CAMTA1: variants seen among roughly 807,000 people sequenced by gnomAD.
CAMTA1 encodes the protein calmodulin-binding transcription activator 1.
Under a neutral mutation model 170.9 loss-of-function variants are expected in CAMTA1, and 27 were observed. The ratio of observed to expected loss-of-function variants is 0.16; its 90% CI spans 0.12 to 0.22. CAMTA1 has a LOEUF of 0.22. CAMTA1 is among the 10% of genes least tolerant of loss of function. The pLI is 1.00. For synonymous variants in CAMTA1, 833 were observed against 891.5 expected (o/e 0.93, Z 1.17); for missense variants, 1,619 against 2,217.2 (o/e 0.73, Z 5.42).
At chr1:7,470,650 A>G (rs1419720080) in intron 6 of CAMTA1, among the ~76,000 whole-genome samples, 1 of 152,148 alleles carries the variant, frequency 6.6e-6, no homozygotes, top group Non-Finnish European at 1.5e-5. Flanking sequence ...TGAGCCTTCT[A>G]GAAAGGTAAG....
intron 5 of CAMTA1, among the ~76,000 whole-genome samples, chr1:7,323,879 C>T (rs963478728): frequency 2.0e-5 from 3 of 152,254 alleles, no homozygotes; most frequent in Non-Finnish European, 2.9e-5. Context: ...GCCCTGTGGT[C>T]GTGCTTTGTG....
chr1:6,990,807 A>C (rs10159144), intron 3 of CAMTA1, among the ~76,000 whole-genome samples: 20,881 of 108,132 alleles, frequency 0.19, 1,718 homozygotes, highest in East Asian at 0.34. Flanking sequence ...CTCTCTCTCT[A>C]TATATATATA....
Position 7,650,795 on chromosome 1 carries a change from A to G in CAMTA1, c.664+10242A>G, listed in dbSNP as rs554188143. Among the ~76,000 whole-genome samples the G allele has an allele frequency of 5.3e-5, 8 of 152,330 alleles. No individual in the cohort carries two copies. In the East Asian group the frequency reaches 1.5e-3, roughly 29 times the overall value. On this transcript the variant is annotated intron_variant, in intron 7 of 22. Coordinates refer to ENST00000303635, the MANE Select transcript of CAMTA1 (RefSeq NM_015215.4). ...TTGAGTGGTGAGATCGGGAAATTGA[A>G]TAGTATGTGGGTGTCTGGATATGAG... is the stretch of plus-strand genomic sequence containing the variant.
At chr1:7,084,036 A>C (rs757242265) in intron 3 of CAMTA1, among the ~76,000 whole-genome samples, 11 of 151,984 alleles carry the variant, frequency 7.2e-5, no homozygotes, top group Non-Finnish European at 1.6e-4. Context: ...GAACTCTCAT[A>C]AAAACCAAGC....
chr1:6,964,044 T>C (rs1402390157), intron 3 of CAMTA1, among the ~76,000 whole-genome samples: 1 of 151,682 alleles, frequency 6.6e-6, no homozygotes. Context: ...CCTGAGTGCC[T>C]GGGTAGGATA....
intron 5 of CAMTA1, among the ~76,000 whole-genome samples, chr1:7,428,776 G>T (rs546064712): frequency 9.2e-5 from 14 of 151,834 alleles, no homozygotes; most frequent in Non-Finnish European, 1.8e-4. Context: ...TTCCCTGAGT[G>T]CCACGTCTTG....
At chr1:7,253,425 G>T (rs536857233) in intron 5 of CAMTA1, among the ~76,000 whole-genome samples, 2 of 152,146 alleles carry the variant, frequency 1.3e-5, no homozygotes, top group South Asian at 4.1e-4. Flanking sequence ...TCCTGTGTCC[G>T]CATCTCTCTG....
intron 3 of CAMTA1, among the ~76,000 whole-genome samples, chr1:6,892,215 T>C (rs1674652476): frequency 6.6e-6 from 1 of 152,252 alleles, no homozygotes; most frequent in Non-Finnish European, 1.5e-5. Context: ...TCAGCATTGT[T>C]GGGCTTGAAT....
At chr1:7,250,838 A>C (rs1417944903) in intron 5 of CAMTA1, among the ~76,000 whole-genome samples, 1 of 152,252 alleles carries the variant, frequency 6.6e-6, no homozygotes, top group Non-Finnish European at 1.5e-5. Context: ...GTGTTTGCAC[A>C]GTGTGGTTTA....
Position 6,965,748 on chromosome 1 carries a change from C to T in CAMTA1, c.235-125556C>T, listed in dbSNP as rs780086381. ...CTTTGGGAGTTATTAGAGTTAGTGC[C>T]GGTTGTGACAAAAGCTGCATTTGCA... On this transcript the variant is annotated intron_variant, in intron 3 of 22. Transcript: ENST00000303635. The surrounding 1 kb of genome is among the most constrained non-coding windows in gnomAD (Gnocchi z 4.1). 1.1e-4 allele frequency among the ~76,000 whole-genome samples: 17 copies of T among 152,100 alleles called. No individual in the cohort carries two copies. The highest frequency in any genetic ancestry group is 2.4e-4 in the Non-Finnish European group (16 of 68,022).
At position 7,745,720 on chromosome 1, in the gene CAMTA1, G is replaced by A. The variant is rs543488491; in HGVS notation, c.4371-125G>A. On this transcript the variant is annotated intron_variant, in intron 17 of 22. Transcript: ENST00000303635. ...TGTTTAGCAACTTGCCTAACTGAATGAAGGCATGTTCCTAATTGCCCACAG... is the reference window on the plus strand; with the variant it reads ...TGTTTAGCAACTTGCCTAACTGAATAAAGGCATGTTCCTAATTGCCCACAG... 29 of 1,131,014 alleles carry A rather than the reference G, an allele frequency of 2.6e-5. 1 individual carries two copies. In the South Asian group the frequency reaches 4.1e-4, roughly 16 times the overall value. The allele number at this position is 1,131,014 out of a possible 1,614,324, so 70.1% of individuals were successfully genotyped here.
intron 5 of CAMTA1, among the ~76,000 whole-genome samples, chr1:7,282,522 G>A (rs1166547667): frequency 2.6e-5 from 4 of 152,158 alleles, no homozygotes; most frequent in Non-Finnish European, 5.9e-5. Flanking sequence ...GGTAGCATTT[G>A]ATGACAGTTC....
At chr1:7,087,938 C>G (rs971118860) in intron 3 of CAMTA1, among the ~76,000 whole-genome samples, 1 of 152,252 alleles carries the variant, frequency 6.6e-6, no homozygotes, top group Non-Finnish European at 1.5e-5. Flanking sequence ...TCTCCCCAAA[C>G]GAGTTCCTGA....
At chr1:7,318,450 AG>A in intron 5 of CAMTA1, among the ~76,000 whole-genome samples, 1 of 152,310 alleles carries the variant, frequency 6.6e-6, no homozygotes, top group South Asian at 2.1e-4. Flanking sequence ...AGCCATTTTC[AG>A]GGGATATTTA....
chr1:7,756,351 C>T (rs923641249), intron 22 of CAMTA1, among the ~76,000 whole-genome samples: 1 of 151,848 alleles, frequency 6.6e-6, no homozygotes, highest in Non-Finnish European at 1.5e-5. Flanking sequence ...TGAAATGTCT[C>T]GAATATTTAT....
intron 4 of CAMTA1, among the ~76,000 whole-genome samples, chr1:7,140,341 A>C (rs1455204125): frequency 6.6e-6 from 1 of 152,194 alleles, no homozygotes; most frequent in Non-Finnish European, 1.5e-5. Context: ...TCCCCTGAGA[A>C]AGTGGTACTT....
chr1:7,501,328 G>A (rs933498202), intron 6 of CAMTA1, among the ~76,000 whole-genome samples: 1 of 152,232 alleles, frequency 6.6e-6, no homozygotes, highest in African/African-American at 2.4e-5. Context: ...AAGAGGAAGG[G>A]AGGCCTGAGA....
chr1:7,756,879 G>A lies in CAMTA1; in HGVS notation c.4989+1211G>A, dbSNP rs183850926. ...AACAAAACAAAACAAAACAAAAAAC[G>A]CCAGGAATAGAATTCATCAAAATTT... On this transcript the variant is annotated intron_variant, in intron 22 of 22. Coordinates refer to ENST00000303635, the MANE Select transcript of CAMTA1 (RefSeq NM_015215.4). Among the ~76,000 whole-genome samples the A allele has an allele frequency of 1.9e-4, 29 of 151,066 alleles. No homozygotes were observed. In the East Asian group the frequency reaches 5.4e-3, roughly 28 times the overall value.
intron 5 of CAMTA1, among the ~76,000 whole-genome samples, chr1:7,437,670 A>T (rs2092389974): frequency 6.6e-6 from 1 of 152,222 alleles, no homozygotes; most frequent in African/African-American, 2.4e-5. Context: ...TTAAGGGAAG[A>T]GACCCCTCCC....
Sources: allele counts gnomAD v4.1 joint callset (sites outside exome capture counted in the v4.1 genomes callset), GRCh38; gene constraint gnomAD v4.1.1; non-coding constraint Gnocchi (gnomAD v3.1); transcripts MANE v1.5; gene names NCBI Gene and HGNC (gene_info 2026-07-23, HGNC 2026-07-21).